Variants in TRIO observed in about 807,000 individuals in gnomAD.
TRIO encodes the protein trio Rho guanine nucleotide exchange factor.
Under a neutral mutation model 351.9 loss-of-function variants are expected in TRIO, and 58 were observed. The ratio of observed to expected loss-of-function variants is 0.16; its 90% CI spans 0.13 to 0.21. The LOEUF is 0.21. Among genes scored for constraint, TRIO ranks in the 10% least tolerant of loss-of-function variants. TRIO has a pLI of 1.00. For missense variants in TRIO, 3,201 were observed against 4,027.8 expected, an observed-to-expected ratio of 0.79 and a Z score of 5.56; for synonymous variants, 1,758 against 1,595.7, an observed-to-expected ratio of 1.10 and a Z score of -2.42.
intron 40 of TRIO, among the ~76,000 whole-genome samples, chr5:14,474,422 C>G (rs1754900254): frequency 6.6e-6 from 1 of 152,178 alleles, no homozygotes; most frequent in Admixed American, 6.5e-5. Context: ...TGTACACTTC[C>G]ATTCTTCATC....
At chr5:14,385,188 G>A (rs1746432999) in intron 21 of TRIO, among the ~76,000 whole-genome samples, 1 of 152,182 alleles carries the variant, frequency 6.6e-6, no homozygotes, top group South Asian at 2.1e-4. Flanking sequence ...TCGCACTCCT[G>A]CCTGCTCACA....
intron 1 of TRIO, among the ~76,000 whole-genome samples, chr5:14,186,585 C>A (rs1790124577): frequency 6.7e-6 from 1 of 149,584 alleles, no homozygotes; most frequent in South Asian, 2.1e-4. Context: ...TTCCTTCTTT[C>A]TTTTTTTTTT....
Position 14,210,086 on chromosome 5 carries a change from C to T in TRIO, c.158-60739C>T, listed in dbSNP as rs1045329000. ...GGGGCCACAACTAGGGCAGCGAGTG[C>T]AGGGTATGGCGCCCCAGGTGGGGTC... On this transcript the variant is annotated intron_variant, in intron 1 of 56. Transcript: ENST00000344204. 5.3e-5 allele frequency among the ~76,000 whole-genome samples: 8 copies of T among 152,296 alleles called. No homozygotes were observed. The East Asian group carries it at 1.4e-3, about 26-fold the overall frequency.
rs754726224 is a variant in TRIO, at chr5:14,508,182, A to T, written c.9054A>T (p.Gly3018=). The T allele has an allele frequency of 1.8e-5, 29 of 1,614,042 alleles. No individual in the cohort carries two copies. Among genetic ancestry groups the T allele is most frequent in the Non-Finnish European group, 2.5e-5 (29 of 1,180,050 alleles). Residue 3018 remains glycine (G), a synonymous_variant, in exon 57 of 57, where the codon GGA becomes GGT. Transcript: ENST00000344204. The part of the protein sequence containing the change: ...DFSFPDDYFK[G]VSQKAKEFVC... ...GCTTCCCAGATGACTACTTTAAAGG[A>T]GTGAGCCAGAAGGCCAAGGAGTTCG...
At chr5:14,322,935 G>A (rs1740017921) in intron 9 of TRIO, among the ~76,000 whole-genome samples, 1 of 152,120 alleles carries the variant, frequency 6.6e-6, no homozygotes, top group African/African-American at 2.4e-5. Flanking sequence ...TGATCTTCCT[G>A]GTGGGTCTAG....
chr5:14,166,769 G>A (rs993380180), intron 1 of TRIO, among the ~76,000 whole-genome samples: 4 of 152,162 alleles, frequency 2.6e-5, no homozygotes, highest in Non-Finnish European at 5.9e-5. Flanking sequence ...ATTTTATGGT[G>A]TAATGTCCTC....
chr5:14,293,428 A>AG (rs1382182171), intron 6 of TRIO, among the ~76,000 whole-genome samples: 2 of 152,224 alleles, frequency 1.3e-5, no homozygotes, highest in African/African-American at 4.8e-5. Context: ...TGCACTTCAT[A>AG]GGAGCCCACG....
chr5:14,191,881 C>T (rs776858257), intron 1 of TRIO, among the ~76,000 whole-genome samples: 3 of 152,088 alleles, frequency 2.0e-5, no homozygotes, highest in Non-Finnish European at 2.9e-5. Context: ...TGTTGATTAA[C>T]CTTTTTGTAT....
intron 1 of TRIO, among the ~76,000 whole-genome samples, chr5:14,232,340 C>G (rs527365067): frequency 6.6e-6 from 1 of 152,298 alleles, no homozygotes; most frequent in African/African-American, 2.4e-5. Context: ...AAATTCTAAT[C>G]ATCATTTAAG....
chr5:14,375,719 T>C (rs1220467312), intron 19 of TRIO, among the ~76,000 whole-genome samples: 2 of 152,208 alleles, frequency 1.3e-5, no homozygotes, highest in Non-Finnish European at 2.9e-5. Context: ...AAGAGGGCGC[T>C]TAGCACTGTT....
chr5:14,432,751 G>C (rs1751270886), intron 34 of TRIO, among the ~76,000 whole-genome samples: 1 of 152,120 alleles, frequency 6.6e-6, no homozygotes, highest in Non-Finnish European at 1.5e-5. Flanking sequence ...TTCTTTATCA[G>C]TTTGCATCCA....
At chr5:14,244,135 A>G (rs1299732779) in intron 1 of TRIO, among the ~76,000 whole-genome samples, 1 of 152,236 alleles carries the variant, frequency 6.6e-6, no homozygotes, top group East Asian at 1.9e-4. Context: ...ACACTTTAAC[A>G]TAGGGATTGA....
intron 21 of TRIO, among the ~76,000 whole-genome samples, chr5:14,386,795 A>G (rs907879907): frequency 2.6e-5 from 4 of 152,236 alleles, no homozygotes; most frequent in Non-Finnish European, 5.9e-5. Context: ...AAATAGAATA[A>G]TTTTAGAGAG....
chr5:14,251,436 A>C (rs1455801274), intron 1 of TRIO, among the ~76,000 whole-genome samples: 2 of 152,194 alleles, frequency 1.3e-5, no homozygotes, highest in African/African-American at 4.8e-5. Flanking sequence ...TTCTTAAACT[A>C]CCATGGTCTT....
In TRIO at chr5:14,472,667, T is replaced by C. The variant is rs1754774719; in HGVS notation, c.5979+9T>C. 1.9e-6 allele frequency: 3 copies of C among 1,613,334 alleles called. No homozygotes were observed. Among genetic ancestry groups the C allele is most frequent in the African/African-American group, 2.7e-5 (2 of 75,028 alleles). On this transcript the variant is annotated intron_variant, in intron 39 of 56. Coordinates refer to ENST00000344204, the MANE Select transcript of TRIO (RefSeq NM_007118.4). Reference sequence around the variant, plus strand: ...TTGGCTATGTGGTTGAGGTGTGTATTGCCAGAAATTTAGTATCTTCGTATC... The same window carrying C: ...TTGGCTATGTGGTTGAGGTGTGTATCGCCAGAAATTTAGTATCTTCGTATC...
intron 48 of TRIO, 53 bp from the exon 49 acceptor site, chr5:14,492,514 G>T (rs539731273): frequency 6.8e-5 from 108 of 1,593,696 alleles, no homozygotes; most frequent in Admixed American, 1.3e-4. Flanking sequence ...ATGTGATCAG[G>T]TCTCGTTTCA....
intron 9 of TRIO, among the ~76,000 whole-genome samples, chr5:14,321,384 T>C (rs1739866850): frequency 6.6e-6 from 1 of 152,206 alleles, no homozygotes; most frequent in African/African-American, 2.4e-5. Context: ...TTTGGGCCCC[T>C]GTTGAAGGAG....
At chr5:14,418,962 G>A (rs1749879385) in intron 33 of TRIO, 1 of 152,460 alleles carries the variant, frequency 6.6e-6, no homozygotes, top group Non-Finnish European at 1.5e-5. Context: ...TACCGGCAGA[G>A]GCCATGGGGT....
intron 1 of TRIO, among the ~76,000 whole-genome samples, chr5:14,199,490 C>T (rs774142788): frequency 6.6e-6 from 1 of 152,150 alleles, no homozygotes; most frequent in East Asian, 1.9e-4. Context: ...TAAGGATGTG[C>T]TGCCTTCAAA....
Sources: gnomAD v4.1 joint callset for allele counts (sites outside exome capture counted in the v4.1 genomes callset) on GRCh38, gnomAD v4.1.1 for gene constraint, MANE v1.5 for transcripts, NCBI Gene and HGNC (gene_info 2026-07-23, HGNC 2026-07-21) for gene names.